The following ZCCHC9 variants were observed in gnomAD, a reference collection of about 807,000 sequenced individuals.
ZCCHC9 encodes the protein zinc finger CCHC-type containing 9.
A neutral mutation model predicts 30.8 loss-of-function variants in ZCCHC9; 18 were observed. The ratio of observed to expected loss-of-function variants is 0.58; its 90% CI spans 0.40 to 0.87. ZCCHC9 has a LOEUF of 0.87. Ranked by LOEUF, ZCCHC9 falls within the 40% of genes least tolerant of loss-of-function variation. The probability of loss-of-function intolerance (pLI) is 0.00; values close to 1 mark genes in which losing one functional copy is unlikely to be tolerated. For missense variants in ZCCHC9, 279 were observed against 331.2 expected (o/e 0.84, Z 1.22); for synonymous variants, 94 against 106.7 (o/e 0.88, Z 0.73).
chr5:81,309,946 C>G (rs2112877818), intron 4 of ZCCHC9, among the ~76,000 whole-genome samples: 1 of 151,930 alleles, frequency 6.6e-6, no homozygotes, highest in Non-Finnish European at 1.5e-5. Context: ...TCAGTGGTGT[C>G]TTAGAGTTGA....
In ZCCHC9 at chr5:81,304,865, A is replaced by G; in HGVS notation, c.108A>G (p.Leu36=). 2 of 1,614,220 alleles carry G rather than the reference A, an allele frequency of 1.2e-6. No homozygotes were observed. Among genetic ancestry groups the G allele is most frequent in the Non-Finnish European group, 1.7e-6 (2 of 1,180,034 alleles). ...KGSFEGTSQN[L]PKRKQLEANR... is the part of the protein sequence containing the mutation. ...CCTTTGAGGGAACAAGCCAAAACCT[A>G]CCAAAGCGTAAACAACTTGAAGCCA... The change falls in exon 2 of 6, where the codon CTA becomes CTG. Residue 36 remains leucine (L), a synonymous_variant. Coordinates refer to ENST00000407610, the MANE Select transcript of ZCCHC9 (RefSeq NM_001131035.2).
At position 81,304,831 on chromosome 5, in the gene ZCCHC9, A is replaced by G. The variant is rs1172495331; in HGVS notation, c.74A>G (p.Lys25Arg). The change falls in exon 2 of 6, where the codon AAG becomes AGG. Residue 25 changes from lysine to arginine, a missense_variant. Transcript: ENST00000407610. ...PLPATSWEDM[K>R]KGSFEGTSQN... ...CCTGCAACATCATGGGAGGACATGA[A>G]GAAGGGATCCTTTGAGGGAACAAGC... 6.2e-7 allele frequency: 1 copy of G among 1,614,112 alleles called. No individual in the cohort carries two copies. Among genetic ancestry groups the G allele is most frequent in the South Asian group, 1.1e-5 (1 of 91,036 alleles).
At chr5:81,312,091 T>C (rs1758308113) in intron 5 of ZCCHC9, among the ~76,000 whole-genome samples, 1 of 152,188 alleles carries the variant, frequency 6.6e-6, no homozygotes, top group South Asian at 2.1e-4. Flanking sequence ...GGCAGTGAGA[T>C]TGAAATGATG....
At chr5:81,307,450 G>A (rs1014993421) in intron 2 of ZCCHC9, among the ~76,000 whole-genome samples, 6 of 147,208 alleles carry the variant, frequency 4.1e-5, no homozygotes, top group Non-Finnish European at 9.0e-5. Flanking sequence ...TCAGGAGATC[G>A]AGACCATCCT....
At position 81,301,636 on chromosome 5, in the gene ZCCHC9, T is replaced by G. The variant is rs1270662144; in HGVS notation, c.-80T>G. The G allele has an allele frequency of 6.6e-6, 1 of 152,330 alleles. No individual in the cohort carries two copies. Among genetic ancestry groups the G allele is most frequent in the East Asian group, 1.9e-4 (1 of 5,208 alleles). 9.4% of individuals were successfully genotyped at this position (152,330 alleles called of 1,614,324 possible). On this transcript the variant is annotated 5_prime_UTR_variant, in exon 1 of 6. Coordinates refer to ENST00000407610, the MANE Select transcript of ZCCHC9 (RefSeq NM_001131035.2). ...CCGCAGGAGGGCGGTCTTCCCCGGC[T>G]CGCCAACTCGGCTGCTCTGGGGGAT...
intron 2 of ZCCHC9, among the ~76,000 whole-genome samples, chr5:81,305,648 G>A (rs1042223343): frequency 1.3e-5 from 2 of 151,120 alleles, no homozygotes; most frequent in Admixed American, 6.6e-5. Context: ...TGTGATCCCA[G>A]CTACTACTGC....
intron 5 of ZCCHC9, among the ~76,000 whole-genome samples, chr5:81,311,553 T>G (rs1158791926): frequency 6.6e-6 from 1 of 152,118 alleles, no homozygotes; most frequent in Admixed American, 6.5e-5. Context: ...ACTAATGAAT[T>G]TAATATAATA....
At chr5:81,308,330 C>T in intron 2 of ZCCHC9, 2 of 434,488 alleles carry the variant, frequency 4.6e-6, no homozygotes, top group South Asian at 8.1e-5. Flanking sequence ...TAACATTGTT[C>T]CTGAGATTTA....
At chr5:81,307,700 T>C (rs574919956) in intron 2 of ZCCHC9, among the ~76,000 whole-genome samples, 1 of 151,232 alleles carries the variant, frequency 6.6e-6, no homozygotes, top group South Asian at 2.1e-4. Context: ...CTTTTTGCTA[T>C]GAAATATATC....
At chr5:81,309,489 C>G (rs1161127217) in intron 4 of ZCCHC9, among the ~76,000 whole-genome samples, 1 of 152,120 alleles carries the variant, frequency 6.6e-6, no homozygotes, top group Non-Finnish European at 1.5e-5. Context: ...GGTATGGGAT[C>G]ATGTAGCTTT....
At chr5:81,305,533 G>A (rs1758062307) in intron 2 of ZCCHC9, among the ~76,000 whole-genome samples, 1 of 151,562 alleles carries the variant, frequency 6.6e-6, no homozygotes, top group Non-Finnish European at 1.5e-5. Context: ...TGAGGCGGGA[G>A]GATCACTTGA....
chr5:81,308,926 G>A lies in ZCCHC9; in HGVS notation c.536-20G>A. 6.2e-7 allele frequency: 1 copy of A among 1,602,066 alleles called. No individual in the cohort carries two copies. The highest frequency in any genetic ancestry group is 1.3e-5 in the African/African-American group (1 of 74,668). On this transcript the variant is annotated intron_variant, in intron 3 of 5. Coordinates refer to ENST00000407610, the MANE Select transcript of ZCCHC9 (RefSeq NM_001131035.2). ...TGCCATATGTATTGTCAACTGAATA[G>A]GAACTGTTGATTTTTACAGGCGAAT... is the stretch of plus-strand genomic sequence containing the variant.
chr5:81,309,268 T>C (rs1758194090), intron 4 of ZCCHC9: 1 of 381,422 alleles, frequency 2.6e-6, no homozygotes, highest in Non-Finnish European at 4.7e-6. Context: ...CCAACTGTGC[T>C]TGCTTCATCA....
chr5:81,303,759 A>G (rs7709149), intron 1 of ZCCHC9: 42,489 of 152,154 alleles, frequency 0.28, 6,259 homozygotes, highest in Middle Eastern at 0.39. Context: ...TACAAAGTCA[A>G]TAGGAATTTT....
chr5:81,302,835 G>A (rs1001745473), intron 1 of ZCCHC9: 4 of 152,280 alleles, frequency 2.6e-5, no homozygotes, highest in Non-Finnish European at 4.4e-5. Context: ...TGGTATGTGA[G>A]TGTGAAGGCC....
At chr5:81,304,004 G>T (rs1758027149) in intron 1 of ZCCHC9, 1 of 152,168 alleles carries the variant, frequency 6.6e-6, no homozygotes, top group Non-Finnish European at 1.5e-5. Context: ...CTTTATGTAT[G>T]TGCTCTAAAA....
rs773843305 is a variant in ZCCHC9 at position 81,304,771 on chromosome 5, C to T, written c.14C>T (p.Ala5Val). Residue 5 changes from alanine (A) to valine (V), a missense_variant, in exon 2 of 6, where the codon GCC becomes GTC. Transcript: ENST00000407610. MTRW[A>V]RVSTTYNKRP... ...ACTGATGAAATTATGACCAGGTGGG[C>T]CCGAGTTAGTACCACATATAACAAG... is the stretch of plus-strand genomic sequence containing the variant. The T allele has an allele frequency of 1.9e-6, 3 of 1,581,318 alleles. No homozygotes were observed. The highest frequency in any genetic ancestry group is 1.2e-5 in the South Asian group (1 of 85,750).
intron 4 of ZCCHC9, among the ~76,000 whole-genome samples, chr5:81,309,547 G>A (rs910109096): frequency 6.6e-6 from 1 of 152,084 alleles, no homozygotes; most frequent in Non-Finnish European, 1.5e-5. Context: ...AAGTCTATGC[G>A]GTCTAAAGCT....
intron 5 of ZCCHC9, among the ~76,000 whole-genome samples, chr5:81,311,655 T>G (rs1049353893): frequency 6.6e-6 from 1 of 152,208 alleles, no homozygotes; most frequent in African/African-American, 2.4e-5. Flanking sequence ...TTGAGTGTCC[T>G]TATGTATGCT....
Sources: allele counts gnomAD v4.1 joint callset (sites outside exome capture counted in the v4.1 genomes callset), GRCh38; gene constraint gnomAD v4.1.1; transcripts MANE v1.5; gene names NCBI Gene and HGNC (gene_info 2026-07-23, HGNC 2026-07-21).